The following FAM78B variants were observed in gnomAD, a reference collection of about 807,000 sequenced individuals.
The protein encoded by FAM78B is family with sequence similarity 78 member B.
A neutral mutation model predicts 20.0 loss-of-function variants in FAM78B; 10 were observed. That is an observed-to-expected ratio of 0.50 (90% confidence interval 0.31 to 0.85). The LOEUF (loss-of-function observed/expected upper bound fraction) is 0.85. Ranked by LOEUF, FAM78B falls within the 40% of genes least tolerant of loss-of-function variation. FAM78B has a pLI of 0.05. For synonymous variants in FAM78B, 135 were observed against 132.8 expected, an observed-to-expected ratio of 1.02 and a Z score of -0.12; for missense variants, 283 against 345.0, an observed-to-expected ratio of 0.82 and a Z score of 1.42.
intron 1 of FAM78B, among the ~76,000 whole-genome samples, chr1:166,106,181 G>GA (rs1337648895): frequency 1.6e-5 from 2 of 128,300 alleles, no homozygotes; most frequent in Non-Finnish European, 3.1e-5. Flanking sequence ...ACAGGAAGGG[G>GA]AACATCGCAC....
chr1:166,095,807 G>A (rs1653253525), intron 1 of FAM78B, among the ~76,000 whole-genome samples: 2 of 152,178 alleles, frequency 1.3e-5, no homozygotes, highest in South Asian at 4.1e-4. Context: ...TTCTGTGTGT[G>A]TGTGTTGGGG....
intron 1 of FAM78B, among the ~76,000 whole-genome samples, chr1:166,118,685 T>C (rs1654352919): frequency 6.6e-6 from 1 of 152,278 alleles, no homozygotes; most frequent in South Asian, 2.1e-4. Context: ...AGATACTTAT[T>C]CTCTGGCCCT....
At position 166,105,807 on chromosome 1, in the gene FAM78B, A is replaced by G. The variant is rs565239569; in HGVS notation, c.264-35044T>C. Reference sequence around the variant, plus strand: ...GTGGAAGTCAGTGTGGCGATTCCTCAGGGATCTAGAACTAGAAATACCATT... The same window carrying G: ...GTGGAAGTCAGTGTGGCGATTCCTCGGGGATCTAGAACTAGAAATACCATT... On this transcript the variant is annotated intron_variant, in intron 1 of 1. Transcript: ENST00000354422. 6.7e-3 allele frequency among the ~76,000 whole-genome samples: 1,023 copies of G among 151,858 alleles called. 10 individuals are homozygous for G. The Middle Eastern group carries it at 0.082, about 12-fold the overall frequency.
intron 1 of FAM78B, among the ~76,000 whole-genome samples, chr1:166,139,002 C>A (rs192845439): frequency 2.2e-4 from 33 of 152,312 alleles, no homozygotes; most frequent in Non-Finnish European, 4.7e-4. Context: ...TGTCTCCCTC[C>A]CTGAATATTT....
chr1:166,080,430 A>C (rs1652518347), intron 1 of FAM78B, among the ~76,000 whole-genome samples: 1 of 152,216 alleles, frequency 6.6e-6, no homozygotes, highest in African/African-American at 2.4e-5. Context: ...TCTAAAGCTG[A>C]GTATATTAAT....
Position 166,070,585 on chromosome 1 carries a change from A to C in FAM78B, c.442T>G (p.Trp148Gly). Residue 148 changes from tryptophan (W) to glycine (G), a missense_variant, in exon 2 of 2, where the codon TGG becomes GGG. Transcript: ENST00000354422. ...TTGCTGTCACTCACAGGCACTGCCC[A>C]TGTCACACTGGGGTAGAAGTTGTCA... ...MNDNFYPSVTWAVPVSDSNVP... is the reference protein window; with the variant it reads ...MNDNFYPSVTGAVPVSDSNVP... The C allele has an allele frequency of 6.2e-7, 1 of 1,613,844 alleles. No individual in the cohort carries two copies. Among genetic ancestry groups the C allele is most frequent in the Non-Finnish European group, 8.5e-7 (1 of 1,179,998 alleles).
chr1:166,133,973 C>G lies in FAM78B; in HGVS notation c.263+32013G>C, dbSNP rs139001202. On this transcript the variant is annotated intron_variant, in intron 1 of 1. Coordinates refer to ENST00000354422, the MANE Select transcript of FAM78B (RefSeq NM_001017961.5). The stretch of plus-strand genomic sequence containing the variant: ...CATGTACTTACCTCCATTTTACCAA[C>G]GGGAGACTGAGAGTCAGTGAGTGAC... 8.4e-4 allele frequency among the ~76,000 whole-genome samples: 128 copies of G among 152,320 alleles called. 1 individual carries two copies. Among genetic ancestry groups the G allele is most frequent in the African/African-American group, 2.8e-3 (116 of 41,570 alleles).
intron 1 of FAM78B, among the ~76,000 whole-genome samples, chr1:166,152,690 T>TGA (rs1179970691): frequency 4.6e-5 from 7 of 150,556 alleles, no homozygotes; most frequent in African/African-American, 1.5e-4. Context: ...ATTTATTTAT[T>TGA]TATTTATTGA....
At chr1:166,137,556 G>A (rs1655114331) in intron 1 of FAM78B, among the ~76,000 whole-genome samples, 2 of 151,248 alleles carry the variant, frequency 1.3e-5, no homozygotes, top group Non-Finnish European at 2.9e-5. Flanking sequence ...TTATACTATA[G>A]CTCCACAAGT....
intron 2 of FAM78B, among the ~76,000 whole-genome samples, chr1:166,062,729 T>C (rs982627087): frequency 2.6e-5 from 4 of 152,214 alleles, no homozygotes; most frequent in African/African-American, 9.7e-5. Flanking sequence ...GGGAGTGAAG[T>C]GGGAAATAAT....
chr1:166,109,838 A>G (rs1457265456), intron 1 of FAM78B, among the ~76,000 whole-genome samples: 1,112 of 21,176 alleles, frequency 0.053, 201 homozygotes, highest in Non-Finnish European at 0.081. Context: ...ATATGTATAT[A>G]TGTATATATA....
At chr1:166,146,844 C>T (rs1655476218) in intron 1 of FAM78B, among the ~76,000 whole-genome samples, 1 of 152,156 alleles carries the variant, frequency 6.6e-6, no homozygotes, top group African/African-American at 2.4e-5. Context: ...TTATCCTGAG[C>T]TTCCTCTTTG....
rs115546436 is a variant in FAM78B at position 166,074,724 on chromosome 1, C to T, written c.264-3961G>A. Among the ~76,000 whole-genome samples, 320 of 152,184 alleles carry T rather than the reference C, an allele frequency of 2.1e-3. 2 individuals carry two copies. Among genetic ancestry groups the T allele is most frequent in the African/African-American group, 7.4e-3 (308 of 41,496 alleles). ...TATTAGAATAGTATCATGCCTTGCA[C>T]GGAAAGTTGCTTATCCTTAAAAGGA... On this transcript the variant is annotated intron_variant, in intron 1 of 1. Coordinates refer to ENST00000354422, the MANE Select transcript of FAM78B (RefSeq NM_001017961.5).
At chr1:166,082,834 A>G (rs1652636703) in intron 1 of FAM78B, 1 of 152,276 alleles carries the variant, frequency 6.6e-6, no homozygotes, top group Admixed American at 6.5e-5. Flanking sequence ...AGCCGAAGGG[A>G]TGGGAAGGGA....
At chr1:166,145,955 C>T (rs765535604) in intron 1 of FAM78B, among the ~76,000 whole-genome samples, 17 of 152,080 alleles carry the variant, frequency 1.1e-4, no homozygotes, top group Non-Finnish European at 2.1e-4. Flanking sequence ...TGTGTCTCTG[C>T]CAGGCTTTGC....
chr1:166,073,403 T>A (rs181292582), intron 1 of FAM78B, among the ~76,000 whole-genome samples: 1 of 152,318 alleles, frequency 6.6e-6, no homozygotes, highest in East Asian at 1.9e-4. Context: ...TTAAGTCTAG[T>A]GAATAGGGAG....
intron 1 of FAM78B, among the ~76,000 whole-genome samples, chr1:166,131,374 G>A (rs1031614845): frequency 4.6e-5 from 7 of 152,112 alleles, no homozygotes; most frequent in Non-Finnish European, 7.4e-5. Context: ...AAGCCCAGCA[G>A]GCAGCTAAGG....
chr1:166,070,334 A>G lies in FAM78B; in HGVS notation c.693T>C (p.Pro231=), dbSNP rs1557887584. 9.3e-6 allele frequency: 15 copies of G among 1,609,838 alleles called. No individual in the cohort carries two copies. The highest frequency in any genetic ancestry group is 1.3e-5 in the Non-Finnish European group (15 of 1,177,652). Residue 231 remains proline (P), a synonymous_variant, in exon 2 of 2, where the codon CCT becomes CCC. Transcript: ENST00000354422. ...RILSRMEPIP[P]NALVKPNAND... is the part of the protein sequence containing the mutation. ...TGGCATTGGGTTTCACTAGTGCATT[A>G]GGGGGGATGGGTTCCATCCGGCTCA... is the stretch of plus-strand genomic sequence containing the variant.
chr1:166,154,760 T>C (rs745911319), intron 1 of FAM78B: 11 of 513,204 alleles, frequency 2.1e-5, no homozygotes, highest in Non-Finnish European at 4.0e-6. Context: ...TCCAGGCCCA[T>C]GGACCTGAGT....
Sources: gnomAD v4.1 joint callset for allele counts (sites outside exome capture counted in the v4.1 genomes callset) on GRCh38, gnomAD v4.1.1 for gene constraint, MANE v1.5 for transcripts, NCBI Gene and HGNC (gene_info 2026-07-23, HGNC 2026-07-21) for gene names.